SP100: variants seen among roughly 807,000 people sequenced by gnomAD.
SP100 encodes the protein SP100 nuclear body protein.
In SP100, 84 loss-of-function variants were observed where a neutral mutation model predicts 130.0. The ratio of observed to expected loss-of-function variants is 0.65; its 90% CI spans 0.54 to 0.77. The LOEUF (loss-of-function observed/expected upper bound fraction) is 0.77, where lower values mean the gene tolerates loss of function less well. Among genes scored for constraint, SP100 ranks in the 30% least tolerant of loss-of-function variants. SP100 has a pLI of 0.00. For missense variants in SP100, 978 were observed against 1,052.2 expected (o/e 0.93, Z 0.97); for synonymous variants, 331 against 351.7 (o/e 0.94, Z 0.66).
intron 19 of SP100, 80 bp downstream of exon 19, chr2:230,498,615 G>C (rs568403808): frequency 1.4e-6 from 1 of 709,720 alleles, no homozygotes; most frequent in African/African-American, 1.9e-5. Flanking sequence ...TTTCCTAAAT[G>C]CTTTATGTAG....
intron 24 of SP100, among the ~76,000 whole-genome samples, chr2:230,531,489 T>C (rs1313065575): frequency 6.6e-6 from 1 of 151,938 alleles, no homozygotes; most frequent in Non-Finnish European, 1.5e-5. Context: ...TGTATACCTA[T>C]ATAACAAACC....
chr2:230,418,929 T>G (rs893936981), intron 2 of SP100, among the ~76,000 whole-genome samples: 6 of 152,114 alleles, frequency 3.9e-5, no homozygotes, highest in Non-Finnish European at 8.8e-5. Context: ...GACTCCCAAA[T>G]TTGCCTGTCA....
intron 25 of SP100, 50 bp downstream of exon 25, chr2:230,539,432 C>A: frequency 1.6e-6 from 2 of 1,259,876 alleles, no homozygotes; most frequent in Non-Finnish European, 2.3e-6. Flanking sequence ...TGTGGTACAG[C>A]TCCTCCTGCC....
chr2:230,513,767 T>C (rs1174810277), intron 24 of SP100, among the ~76,000 whole-genome samples: 1 of 152,238 alleles, frequency 6.6e-6, no homozygotes, highest in Non-Finnish European at 1.5e-5. Context: ...ATTTTGGCCT[T>C]AGCCATGGAT....
At chr2:230,473,499 G>A (rs949633108) in intron 16 of SP100, 59 bp downstream of exon 16, 3 of 983,278 alleles carry the variant, frequency 3.1e-6, no homozygotes, top group African/African-American at 1.6e-5. Context: ...CAGACACTGG[G>A]TAGGGATGTG....
At chr2:230,483,842 A>G (rs2065944650) in intron 17 of SP100, among the ~76,000 whole-genome samples, 1 of 152,234 alleles carries the variant, frequency 6.6e-6, no homozygotes, top group South Asian at 2.1e-4. Context: ...TGCTTCTAGT[A>G]GAAATACAGA....
At chr2:230,441,432 GA>G (rs2063464116) in intron 2 of SP100, among the ~76,000 whole-genome samples, 1 of 152,080 alleles carries the variant, frequency 6.6e-6, no homozygotes, top group East Asian at 1.9e-4. Context: ...GCCACAAAAA[GA>G]CTTGTACAAG....
chr2:230,449,811 C>G (rs1054207554), intron 7 of SP100, 101 bp downstream of exon 7: 22 of 1,229,912 alleles, frequency 1.8e-5, no homozygotes, highest in Non-Finnish European at 2.6e-5. Context: ...ACCTGTTTAA[C>G]AAGCAGGGGA....
rs764362076 is a variant in SP100 at position 230,539,226 on chromosome 2, G to C, written c.2095-41G>C. On this transcript the variant is annotated intron_variant, in intron 24 of 28. Coordinates refer to ENST00000340126, the MANE Select transcript of SP100 (RefSeq NM_001080391.2). ...AAGGTCACATATTCTAGGGTCCAAG[G>C]GTCTCACTGATCCCGGTGATGTCTA... 22 of 1,259,492 alleles carry C rather than the reference G, an allele frequency of 1.7e-5. No individual in the cohort carries two copies. In the South Asian group the frequency reaches 2.6e-4, roughly 15 times the overall value. 78.0% of individuals were successfully genotyped at this position (1,259,492 alleles called of 1,614,324 possible).
intron 24 of SP100, among the ~76,000 whole-genome samples, chr2:230,532,632 A>G (rs796316959): frequency 7.2e-5 from 11 of 152,238 alleles, no homozygotes; most frequent in African/African-American, 2.6e-4. Flanking sequence ...AAATATCCAC[A>G]AGTGTTTCAC....
At position 230,449,042 on chromosome 2, in the gene SP100, T is replaced by G. The variant is rs757172459; in HGVS notation, c.524-46T>G. On this transcript the variant is annotated intron_variant, in intron 5 of 28. Coordinates refer to ENST00000340126, the MANE Select transcript of SP100 (RefSeq NM_001080391.2). The stretch of plus-strand genomic sequence containing the variant: ...AAGGGATTAGGGGAGAATGGCAAAA[T>G]CCATACCTCGATTTCTGAAATAAAC... The G allele has an allele frequency of 4.8e-6, 6 of 1,250,774 alleles. No homozygotes were observed. In the Admixed American group the frequency reaches 5.0e-5, roughly 10 times the overall value. 77.5% of individuals were successfully genotyped at this position (1,250,774 alleles called of 1,614,324 possible).
chr2:230,458,890 T>C (rs2064430886), intron 8 of SP100, among the ~76,000 whole-genome samples: 1 of 151,810 alleles, frequency 6.6e-6, no homozygotes, highest in Admixed American at 6.6e-5. Context: ...AATTAAGAAA[T>C]AAGGGCCGAC....
At chr2:230,519,635 A>T (rs569995450) in intron 24 of SP100, among the ~76,000 whole-genome samples, 1 of 152,138 alleles carries the variant, frequency 6.6e-6, no homozygotes, top group Admixed American at 6.6e-5. Flanking sequence ...AAAGGGAGAA[A>T]GCTTCTGAAG....
intron 2 of SP100, among the ~76,000 whole-genome samples, chr2:230,429,047 T>A (rs1175049167): frequency 1.3e-5 from 2 of 152,244 alleles, no homozygotes; most frequent in East Asian, 3.8e-4. Flanking sequence ...CTGGTAAGAT[T>A]TTGTATATTT....
chr2:230,449,920 A>C (rs1465191730), intron 7 of SP100, among the ~76,000 whole-genome samples: 5 of 152,228 alleles, frequency 3.3e-5, no homozygotes, highest in Non-Finnish European at 5.9e-5. Flanking sequence ...GAAGCAAAAA[A>C]CTGAGAGAGA....
rs528666488 is a variant in SP100 at position 230,447,290 on chromosome 2, T to C, written c.523+388T>C. On this transcript the variant is annotated intron_variant, in intron 5 of 28. Coordinates refer to ENST00000340126, the MANE Select transcript of SP100 (RefSeq NM_001080391.2). ...AAAGGCTCCTGTTTTACCTGTACTGTCATATTCACAACACTTCTGACACCA... is the reference window on the plus strand; with the variant it reads ...AAAGGCTCCTGTTTTACCTGTACTGCCATATTCACAACACTTCTGACACCA... Among the ~76,000 whole-genome samples, 46 of 152,320 alleles carry C rather than the reference T, an allele frequency of 3.0e-4. No individual in the cohort carries two copies. The South Asian group carries it at 4.1e-3, about 14-fold the overall frequency.
intron 4 of SP100, among the ~76,000 whole-genome samples, chr2:230,445,814 C>T (rs1017846896): frequency 5.3e-5 from 8 of 152,178 alleles, no homozygotes; most frequent in African/African-American, 1.9e-4. Flanking sequence ...TTCCTAGCTC[C>T]AGTGCCCACA....
chr2:230,494,633 A>G (rs1204668398), intron 18 of SP100, among the ~76,000 whole-genome samples, 173 bp downstream of exon 18: 2 of 152,218 alleles, frequency 1.3e-5, no homozygotes, highest in African/African-American at 4.8e-5. Flanking sequence ...CCCAAAATAC[A>G]GTGGCTTAAA....
In SP100 at chr2:230,540,967, A is replaced by G; in HGVS notation, c.2302A>G (p.Met768Val). ...AGGTCATCAGGAATCTGAAGTCCTG[A>G]TGAGGCAGATGCTGCCTGAGGAGCA... ...QSGHQESEVL[M>V]RQMLPEEQLK... is the part of the protein sequence containing the mutation. The change falls in exon 26 of 29, where the codon ATG becomes GTG. Residue 768 changes from methionine to valine, a missense_variant. Transcript: ENST00000340126. The G allele has an allele frequency of 6.2e-7, 1 of 1,613,392 alleles. No homozygotes were observed. The highest frequency in any genetic ancestry group is 1.1e-5 in the South Asian group (1 of 90,996).
Sources: allele counts gnomAD v4.1 joint callset (sites outside exome capture counted in the v4.1 genomes callset), GRCh38; gene constraint gnomAD v4.1.1; transcripts MANE v1.5; gene names NCBI Gene and HGNC (gene_info 2026-07-23, HGNC 2026-07-21).